Variants in RFC1 observed in about 807,000 individuals in gnomAD.
RFC1 encodes replication factor C subunit 1.
A neutral mutation model predicts 137.4 loss-of-function variants in RFC1; 37 were observed. The observed-to-expected ratio is 0.27, with a 90% CI of 0.21 to 0.35. RFC1 has a LOEUF of 0.35. Ranked by LOEUF, RFC1 falls within the 10% of genes least tolerant of loss-of-function variation. RFC1 has a pLI of 1.00. For synonymous variants in RFC1, 429 were observed against 455.7 expected (o/e 0.94, Z 0.75); for missense variants, 1,205 against 1,358.5 (o/e 0.89, Z 1.78).
intron 2 of RFC1, 23 bp downstream of exon 2, chr4:39,351,324 CA>C (rs1483124139): frequency 2.4e-6 from 3 of 1,272,874 alleles, no homozygotes; most frequent in Non-Finnish European, 3.1e-6. Flanking sequence ...TCATTCAATG[CA>C]AAATTATACC....
intron 24 of RFC1, 85 bp from the exon 25 acceptor site, chr4:39,288,929 T>TA: frequency 1.2e-6 from 1 of 868,120 alleles, no homozygotes; most frequent in African/African-American, 1.7e-5. Flanking sequence ...AATCTAATCT[T>TA]TACCTGCAAC....
At chr4:39,324,955 C>T (rs1739690062) in intron 6 of RFC1, among the ~76,000 whole-genome samples, 2 of 152,172 alleles carry the variant, frequency 1.3e-5, no homozygotes, top group African/African-American at 4.8e-5. Context: ...GCGCTCCTCC[C>T]TGAAATACTT....
Position 39,366,307 on chromosome 4 carries a change from G to T in RFC1, c.-66C>A. On this transcript the variant is annotated 5_prime_UTR_variant, in exon 1 of 25. Transcript: ENST00000349703. ...GCCGGTTGAGGAATCTGTTATCGAGGCTCAGGATCCATTCGCGCCAACAAC... is the reference window on the plus strand; with the variant it reads ...GCCGGTTGAGGAATCTGTTATCGAGTCTCAGGATCCATTCGCGCCAACAAC... 6.8e-7 allele frequency: 1 copy of T among 1,463,892 alleles called. No individual in the cohort carries two copies. The allele number at this position is 1,463,892 out of a possible 1,614,324, so 90.7% of individuals were successfully genotyped here. A position where few individuals can be genotyped will look rare whatever the true frequency, so the allele number is the denominator to read the frequency against.
intron 21 of RFC1, among the ~76,000 whole-genome samples, chr4:39,298,031 T>C (rs1738121106): frequency 6.6e-6 from 1 of 152,200 alleles, no homozygotes; most frequent in South Asian, 2.1e-4. Flanking sequence ...GAAAAGATTC[T>C]GGGCCAGGTG....
intron 2 of RFC1, among the ~76,000 whole-genome samples, chr4:39,348,988 G>T (rs1048775996): frequency 6.6e-6 from 1 of 152,186 alleles, no homozygotes; most frequent in African/African-American, 2.4e-5. Context: ...CTTTGGAATG[G>T]TAATGTCTAT....
intron 1 of RFC1, among the ~76,000 whole-genome samples, chr4:39,362,022 G>A (rs980598253): frequency 5.3e-5 from 8 of 152,078 alleles, no homozygotes; most frequent in Non-Finnish European, 7.3e-5. Context: ...ATGGGCAACA[G>A]AGCGAGACTG....
At chr4:39,354,859 A>G (rs1578171909) in intron 1 of RFC1, among the ~76,000 whole-genome samples, 1 of 150,556 alleles carries the variant, frequency 6.6e-6, no homozygotes, top group African/African-American at 2.5e-5. Flanking sequence ...AGGCAGTTGG[A>G]CTGCTTGAGA....
chr4:39,320,533 G>A lies in RFC1; in HGVS notation c.945C>T (p.Ala315=). 1 of 1,613,496 alleles carries A rather than the reference G, an allele frequency of 6.2e-7. No individual in the cohort carries two copies. The highest frequency in any genetic ancestry group is 1.1e-5 in the South Asian group (1 of 90,934). Reference sequence around the variant, plus strand: ...TTTTCATAATTGCCAGCTTAGAACTGGCCTTGGGAGAAGAGACTTCTCCTA... The same window carrying A: ...TTTTCATAATTGCCAGCTTAGAACTAGCCTTGGGAGAAGAGACTTCTCCTA... ...DKIGEVSSPK[A]SSKLAIMKRK... The change falls in exon 9 of 25, where the codon GCC becomes GCT. Residue 315 remains alanine (A), a synonymous_variant. Coordinates refer to ENST00000349703, the MANE Select transcript of RFC1 (RefSeq NM_002913.5).
At chr4:39,363,641 C>T (rs1741868683) in intron 1 of RFC1, among the ~76,000 whole-genome samples, 2 of 151,928 alleles carry the variant, frequency 1.3e-5, no homozygotes, top group Admixed American at 1.3e-4. Context: ...AATCCCGGCA[C>T]TTTAAGAGGC....
intron 11 of RFC1, 63 bp from the exon 12 acceptor site, chr4:39,311,612 CAAA>C: frequency 2.0e-6 from 2 of 989,346 alleles, no homozygotes; most frequent in Non-Finnish European, 2.8e-6. Context: ...CCTTCTCTTA[CAAA>C]AAAAAAAATT....
At chr4:39,291,155 C>T (rs1367980657) in intron 23 of RFC1, among the ~76,000 whole-genome samples, 6 of 151,928 alleles carry the variant, frequency 3.9e-5, no homozygotes, top group African/African-American at 9.7e-5. Context: ...TAGTTTTTTT[C>T]GTCTCATTAT....
intron 9 of RFC1, 35 bp from the exon 10 acceptor site, chr4:39,317,057 A>G (rs1354155928): frequency 7.3e-7 from 1 of 1,368,346 alleles, no homozygotes; most frequent in Non-Finnish European, 1.0e-6. Flanking sequence ...GAACAAAGTC[A>G]TACAGAATTC....
At chr4:39,323,463 T>C (rs746774288) in intron 6 of RFC1, 46 bp from the exon 7 acceptor site, 2 of 1,497,012 alleles carry the variant, frequency 1.3e-6, no homozygotes, top group South Asian at 1.1e-5. Context: ...CTTTTTCTTT[T>C]CGTAAATAGA....
At chr4:39,300,537 G>A in intron 19 of RFC1, 123 bp from the exon 20 acceptor site, 1 of 709,290 alleles carries the variant, frequency 1.4e-6, no homozygotes, top group Non-Finnish European at 2.4e-6. Context: ...ATGCAAAACT[G>A]TACCGTTTGG....
chr4:39,295,650 C>T lies in RFC1; in HGVS notation c.2918G>A (p.Arg973His), dbSNP rs749239449. Residue 973 changes from arginine to histidine, a missense_variant, in exon 22 of 25, where the codon CGT (arginine) becomes CAT (histidine). Coordinates refer to ENST00000349703, the MANE Select transcript of RFC1 (RefSeq NM_002913.5). ...GKHSSTGKHD[R>H]IVQDLALHMS... ...ATGCAAGGCCAGGTCCTGAACAATA[C>T]GATCATGTTTGCCTGTAGACGAGTG... 19 of 1,612,992 alleles carry T rather than the reference C, an allele frequency of 1.2e-5. No individual in the cohort carries two copies. In the East Asian group the frequency reaches 1.6e-4, roughly 13 times the overall value.
chr4:39,360,157 G>T (rs1578177803), intron 1 of RFC1, among the ~76,000 whole-genome samples: 1 of 152,302 alleles, frequency 6.6e-6, no homozygotes, highest in Middle Eastern at 3.4e-3. Flanking sequence ...TTTCAGGTCA[G>T]GAGTTTGAGA....
Position 39,320,656 on chromosome 4 carries a change from T to A in RFC1, c.822A>T (p.Gln274His). ...HKYPHKVKTAQVSDERKSYSP... is the reference protein window; with the variant it reads ...HKYPHKVKTAHVSDERKSYSP... Reference sequence around the variant, plus strand: ...TGTAGCTCTTTCTTTCATCTGAAACTTGTGCTGTTTTTACTAGGAAGAAAG... The same window carrying A: ...TGTAGCTCTTTCTTTCATCTGAAACATGTGCTGTTTTTACTAGGAAGAAAG... The change falls in exon 9 of 25, where the codon CAA becomes CAT. Residue 274 changes from glutamine to histidine, a missense_variant. By Grantham distance (24) the Gln-to-His change is conservative. Around this residue, in one of 3 missense-constraint regions of RFC1, gnomAD observed 962 missense variants for 1,035.3 expected, o/e 0.93. Coordinates refer to ENST00000349703, the MANE Select transcript of RFC1 (RefSeq NM_002913.5). The A allele has an allele frequency of 3.8e-6, 6 of 1,577,672 alleles. No individual in the cohort carries two copies. In the South Asian group the frequency reaches 7.1e-5, roughly 19 times the overall value.
intron 4 of RFC1, among the ~76,000 whole-genome samples, chr4:39,337,024 A>G: frequency 6.6e-6 from 1 of 152,240 alleles, no homozygotes; most frequent in East Asian, 1.9e-4. Flanking sequence ...CCAAAGATCT[A>G]GATTCTTCTA....
chr4:39,296,651 A>G (rs1242848517), intron 21 of RFC1, among the ~76,000 whole-genome samples: 1 of 151,250 alleles, frequency 6.6e-6, no homozygotes, highest in African/African-American at 2.4e-5. Context: ...CCAGTCTATC[A>G]TTGTTGGACA....
Sources: gnomAD v4.1 joint callset for allele counts (sites outside exome capture counted in the v4.1 genomes callset) on GRCh38, gnomAD v4.1.1 for gene constraint, gnomAD v4.1.1 regional missense constraint, MANE v1.5 for transcripts, NCBI Gene and HGNC (gene_info 2026-07-23, HGNC 2026-07-21) for gene names.